Variants in PYHIN1 observed in about 807,000 individuals in gnomAD.
The protein encoded by PYHIN1 is pyrin and HIN domain family member 1, also known as pyrin and HIN domain-containing protein 1.
A neutral mutation model predicts 43.7 loss-of-function variants in PYHIN1; 32 were observed. The observed-to-expected ratio is 0.73, with a 90% CI of 0.55 to 0.98. PYHIN1 has a LOEUF of 0.98. Ranked by LOEUF, PYHIN1 falls within the 50% of genes least tolerant of loss-of-function variation. The probability of loss-of-function intolerance (pLI) is 0.00; values close to 1 mark genes in which losing one functional copy is unlikely to be tolerated. For synonymous variants in PYHIN1, 205 were observed against 203.1 expected (o/e 1.01, Z -0.08); for missense variants, 588 against 589.5 (o/e 1.00, Z 0.03).
At chr1:158,944,690 A>T (rs1364203682) in intron 6 of PYHIN1, among the ~76,000 whole-genome samples, 185 bp from the exon 7 acceptor site, 1 of 152,248 alleles carries the variant, frequency 6.6e-6, no homozygotes, top group Non-Finnish European at 1.5e-5. Context: ...AGAATGTTAG[A>T]TCATTTTACA....
chr1:158,945,537 T>C (rs929975194), intron 7 of PYHIN1: 5 of 152,472 alleles, frequency 3.3e-5, no homozygotes, highest in Admixed American at 3.3e-4. Flanking sequence ...CCAACTTAAG[T>C]ATTTTCCTCT....
Position 158,936,008 on chromosome 1 carries a change from T to A in PYHIN1, c.-20-883T>A, listed in dbSNP as rs1648515434. 1.3e-5 allele frequency among the ~76,000 whole-genome samples: 2 copies of A among 152,140 alleles called. 1 individual carries two copies. Among genetic ancestry groups the A allele is most frequent in the South Asian group, 4.1e-4 (2 of 4,826 alleles). On this transcript the variant is annotated intron_variant, in intron 1 of 8. Transcript: ENST00000368140. ...TCACTCAATTTCTACAGTAACTCAT[T>A]TGGTCATTAAGTCCTTCTTTATCAC...
At position 158,960,506 on chromosome 1, in the gene PYHIN1, A is replaced by T. The variant is rs1650258487; in HGVS notation, c.1360-13141A>T. ...TTTATGGCCTCAAATACCTAAACACATCATGCAGCCATTTATTCTTGGGTG... is the reference window on the plus strand; with the variant it reads ...TTTATGGCCTCAAATACCTAAACACTTCATGCAGCCATTTATTCTTGGGTG... On this transcript the variant is annotated intron_variant, in intron 7 of 8. Transcript: ENST00000368140. Among the ~76,000 whole-genome samples the T allele has an allele frequency of 2.6e-5, 4 of 152,340 alleles. No individual in the cohort carries two copies. The South Asian group carries it at 8.3e-4, about 32-fold the overall frequency.
At chr1:158,947,017 T>A (rs1649261068) in intron 7 of PYHIN1, among the ~76,000 whole-genome samples, 1 of 152,176 alleles carries the variant, frequency 6.6e-6, no homozygotes, top group Non-Finnish European at 1.5e-5. Flanking sequence ...GTTTCTCAGT[T>A]ATGCCCAAAA....
At chr1:158,954,625 G>C (rs1102005) in intron 7 of PYHIN1, among the ~76,000 whole-genome samples, 142,271 of 148,596 alleles carry the variant, frequency 0.96, 68,420 homozygotes, top group East Asian at 1. Flanking sequence ...AAGTAACAAC[G>C]GGTACCAGCC....
chr1:158,943,043 T>A (rs922762041), intron 5 of PYHIN1, among the ~76,000 whole-genome samples: 2 of 152,154 alleles, frequency 1.3e-5, no homozygotes, highest in African/African-American at 4.8e-5. Flanking sequence ...TATGTTACTG[T>A]CAAAATTCAC....
At chr1:158,984,956 T>C in the PYHIN1 span, among the ~76,000 whole-genome samples, 1 of 152,056 alleles carries the variant, frequency 6.6e-6, no homozygotes, top group Non-Finnish European at 1.5e-5. Context: ...GTTTTTTTTT[T>C]CCTGAAATAA....
intron 7 of PYHIN1, among the ~76,000 whole-genome samples, chr1:158,952,347 C>T (rs563650285): frequency 2.0e-5 from 3 of 148,606 alleles, no homozygotes; most frequent in South Asian, 2.2e-4. Flanking sequence ...CAACTCTGGC[C>T]TCTGATGCTT....
downstream of PYHIN1, among the ~76,000 whole-genome samples, chr1:158,979,561 C>T (rs1651418335): frequency 6.6e-6 from 1 of 152,132 alleles, no homozygotes; most frequent in Non-Finnish European, 1.5e-5. Flanking sequence ...ATTTTCTTAT[C>T]TATTCATTCA....
chr1:158,934,202 A>G (rs1648361947), intron 1 of PYHIN1, among the ~76,000 whole-genome samples: 1 of 152,206 alleles, frequency 6.6e-6, no homozygotes, highest in Non-Finnish European at 1.5e-5. Context: ...TCATTACTAC[A>G]AAAGCAAAAG....
intron 7 of PYHIN1, among the ~76,000 whole-genome samples, chr1:158,964,198 G>A (rs972796756): frequency 3.3e-5 from 5 of 152,126 alleles, no homozygotes; most frequent in Non-Finnish European, 7.4e-5. Context: ...TAAAAAGAAT[G>A]AAAAATCTTC....
intron 5 of PYHIN1, among the ~76,000 whole-genome samples, chr1:158,943,044 C>T (rs187819443): frequency 6.6e-6 from 1 of 152,222 alleles, no homozygotes; most frequent in Admixed American, 6.5e-5. Flanking sequence ...ATGTTACTGT[C>T]AAAATTCACG....
intron 7 of PYHIN1, among the ~76,000 whole-genome samples, chr1:158,948,626 A>G (rs924472085): frequency 9.9e-5 from 15 of 152,234 alleles, no homozygotes; most frequent in Non-Finnish European, 2.9e-5. Context: ...TATTATCTAT[A>G]AAAGCAGCTG....
intron 7 of PYHIN1, among the ~76,000 whole-genome samples, chr1:158,961,567 G>A (rs1650322368): frequency 6.6e-6 from 1 of 152,040 alleles, no homozygotes; most frequent in African/African-American, 2.4e-5. Context: ...AGAGAAGAGT[G>A]AGACAAGACA....
chr1:158,984,763 C>T, the PYHIN1 span, among the ~76,000 whole-genome samples: 1 of 152,136 alleles, frequency 6.6e-6, no homozygotes, highest in South Asian at 2.1e-4. Flanking sequence ...TATTCTCCCA[C>T]TATTATTGTG....
At chr1:158,981,792 C>T (rs1301019632), downstream of PYHIN1, among the ~76,000 whole-genome samples, 1 of 152,134 alleles carries the variant, frequency 6.6e-6, no homozygotes, top group Non-Finnish European at 1.5e-5. Flanking sequence ...TTCTCTACAA[C>T]CTCACCAGCA....
chr1:158,962,626 T>C (rs556593000), intron 7 of PYHIN1, among the ~76,000 whole-genome samples: 86 of 152,296 alleles, frequency 5.6e-4, no homozygotes, highest in African/African-American at 2.0e-3. Context: ...GCAGCTGCAG[T>C]GGCACTGCCC....
Position 158,975,986 on chromosome 1 carries a change from A to G in PYHIN1, c.*6-715A>G, listed in dbSNP as rs140405430. 6.9e-3 allele frequency among the ~76,000 whole-genome samples: 1,045 copies of G among 152,220 alleles called. 5 individuals are homozygous for G. The highest frequency in any genetic ancestry group is 0.011 in the Non-Finnish European group (723 of 67,986). On this transcript the variant is annotated intron_variant, in intron 8 of 8. Transcript: ENST00000368140. ...ATTAGCTCATTCAATTATTTGTGGT[A>G]CACAATGAACAGAAGAGGGAGTTAA...
intron 7 of PYHIN1, among the ~76,000 whole-genome samples, chr1:158,964,885 C>T (rs1269234085): frequency 6.6e-6 from 1 of 152,050 alleles, no homozygotes. Context: ...CTGCAGATGT[C>T]AATATTAACC....
Sources: allele counts gnomAD v4.1 joint callset (sites outside exome capture counted in the v4.1 genomes callset), GRCh38; gene constraint gnomAD v4.1.1; transcripts MANE v1.5; gene names NCBI Gene and HGNC (gene_info 2026-07-23, HGNC 2026-07-21).